Variants in PLXNA2 observed in about 807,000 individuals in gnomAD.
PLXNA2 encodes the protein plexin A2.
In PLXNA2, 91 loss-of-function variants were observed where a neutral mutation model predicts 193.5. The observed-to-expected ratio is 0.47, with a 90% CI of 0.40 to 0.56. PLXNA2 has a LOEUF of 0.56. Ranked by LOEUF, PLXNA2 falls within the 20% of genes least tolerant of loss-of-function variation. The probability of loss-of-function intolerance (pLI) is 0.00; values close to 1 mark genes in which losing one functional copy is unlikely to be tolerated. For missense variants in PLXNA2, 1,995 were observed against 2,503.2 expected (o/e 0.80, Z 4.33); for synonymous variants, 997 against 1,027.3 (o/e 0.97, Z 0.56).
At position 208,028,084 on chromosome 1, in the gene PLXNA2, G is replaced by A; in HGVS notation, c.5514C>T (p.Arg1838=). The A allele has an allele frequency of 6.2e-7, 1 of 1,613,674 alleles. No individual in the cohort carries two copies. The highest frequency in any genetic ancestry group is 8.5e-7 in the Non-Finnish European group (1 of 1,179,798). ...DMNAYLAEQS[R]LHAVEFNMLS... ...GCATGTTGAACTCCACGGCGTGCAG[G>A]CGGGACTGCTCGGCGAGGTAGGCAT... The change falls in exon 31 of 32, where the codon CGC becomes CGT. Residue 1838 remains arginine, a synonymous_variant. Transcript: ENST00000367033. The surrounding 1 kb of genome is among the most constrained non-coding windows in gnomAD (Gnocchi z 4.2).
chr1:208,164,000 G>A (rs1411636932), intron 3 of PLXNA2, among the ~76,000 whole-genome samples: 1 of 152,214 alleles, frequency 6.6e-6, no homozygotes, highest in African/African-American at 2.4e-5. Flanking sequence ...GCACAGGAAG[G>A]CAGGTGTATT....
chr1:208,175,989 A>T (rs1197565015), intron 3 of PLXNA2, among the ~76,000 whole-genome samples: 1 of 152,124 alleles, frequency 6.6e-6, no homozygotes, highest in Admixed American at 6.5e-5. Context: ...TTCTGTTGGA[A>T]CCAACCAGCC....
chr1:208,074,894 T>G (rs1237516257), intron 12 of PLXNA2, among the ~76,000 whole-genome samples: 3 of 152,146 alleles, frequency 2.0e-5, no homozygotes, highest in Non-Finnish European at 2.9e-5. Flanking sequence ...ATTCTGAAGA[T>G]GAAGGCTGGG....
chr1:208,041,229 G>C (rs879600624), intron 22 of PLXNA2, among the ~76,000 whole-genome samples: 1 of 152,160 alleles, frequency 6.6e-6, no homozygotes. Context: ...CTCACCCCAC[G>C]TGGGGCCTGG....
Position 208,112,878 on chromosome 1 carries a change from T to A in PLXNA2, c.1507-9631A>T, listed in dbSNP as rs145643775. Among the ~76,000 whole-genome samples the A allele has an allele frequency of 3.3e-5, 5 of 151,888 alleles. No individual in the cohort carries two copies. In the East Asian group the frequency reaches 9.7e-4, roughly 29 times the overall value. Reference sequence around the variant, plus strand: ...GTAAAACTACAAAGAGGGTAGGAAATCTTATGGGCAAGGCAGATACTCCAA... The same window carrying A: ...GTAAAACTACAAAGAGGGTAGGAAAACTTATGGGCAAGGCAGATACTCCAA... On this transcript the variant is annotated intron_variant, in intron 4 of 31. Coordinates refer to ENST00000367033, the MANE Select transcript of PLXNA2 (RefSeq NM_025179.4).
rs139061737 is a variant in PLXNA2, at chr1:208,044,617, G to A, written c.3765C>T (p.Ile1255=). ...ACTTGCGCTTGTAGGCAATGAGGAC[G>A]ATGATGACGATGATGAGGAGGAGGC... is the stretch of plus-strand genomic sequence containing the variant. ...GGSLLLIIVI[I]VLIAYKRKSR... is the part of the protein sequence containing the mutation. The change falls in exon 20 of 32, where the codon ATC becomes ATT. Residue 1255 remains isoleucine (I), a synonymous_variant. Transcript: ENST00000367033. The surrounding 1 kb of genome is among the most constrained non-coding windows in gnomAD (Gnocchi z 4.9). 85 of 1,613,936 alleles carry A rather than the reference G, an allele frequency of 5.3e-5. No individual in the cohort carries two copies. The highest frequency in any genetic ancestry group is 6.4e-5 in the Non-Finnish European group (76 of 1,179,978).
intron 4 of PLXNA2, among the ~76,000 whole-genome samples, chr1:208,112,034 A>C (rs982257253): frequency 1.3e-5 from 2 of 152,204 alleles, no homozygotes; most frequent in Non-Finnish European, 2.9e-5. Context: ...GAGAAAATCT[A>C]TTTTTAATGA....
In PLXNA2 at chr1:208,044,696, A is replaced by T. The variant is rs749000102; in HGVS notation, c.3686T>A (p.Ile1229Asn). 5 of 1,614,096 alleles carry T rather than the reference A, an allele frequency of 3.1e-6. No individual in the cohort carries two copies. The highest frequency in any genetic ancestry group is 4.2e-6 in the Non-Finnish European group (5 of 1,180,032). The change falls in exon 20 of 32, where the codon ATC becomes AAC. Residue 1229 changes from isoleucine to asparagine, a missense_variant. This residue lies in a region of PLXNA2 where 1,291 missense variants were observed against 1,673.6 expected (regional missense o/e 0.77). Transcript: ENST00000367033. This position sits in a 1 kb window ranked among gnomAD's most constrained non-coding sequence, Gnocchi z 4.9. ...TGGCAGGGTCAGCAAGCTGTCTGAG[A>T]TGACACTCACCGAGCCAGGCGAGAA... ...MVFSPGSVSV[I>N]SDSLLTLPAI... is the part of the protein sequence containing the mutation.
At chr1:208,130,814 T>C (rs961448817) in intron 4 of PLXNA2, among the ~76,000 whole-genome samples, 4 of 152,124 alleles carry the variant, frequency 2.6e-5, no homozygotes, top group Non-Finnish European at 4.4e-5. Flanking sequence ...ATCAACCCCA[T>C]TGAGAAACCT....
chr1:208,082,969 C>T lies in PLXNA2; in HGVS notation c.2299-461G>A, dbSNP rs987083586. On this transcript the variant is annotated intron_variant, in intron 10 of 31. Coordinates refer to ENST00000367033, the MANE Select transcript of PLXNA2 (RefSeq NM_025179.4). The surrounding 1 kb of genome is among the most constrained non-coding windows in gnomAD (Gnocchi z 4.2). ...TGGTGTTGCCACTTTCTGTCTTGCA[C>T]TGGCACTTTCCAGGATCTGCTGTGC... 2.6e-5 allele frequency among the ~76,000 whole-genome samples: 4 copies of T among 152,192 alleles called. No homozygotes were observed. The highest frequency in any genetic ancestry group is 5.9e-5 in the Non-Finnish European group (4 of 68,042).
intron 3 of PLXNA2, among the ~76,000 whole-genome samples, chr1:208,160,213 ACC>A (rs5780437): frequency 5.3e-5 from 8 of 150,514 alleles, no homozygotes; most frequent in Admixed American, 2.0e-4. Context: ...CATTAGTACA[ACC>A]CCCCCCGCCC....
chr1:208,135,063 T>C (rs2102472460), intron 4 of PLXNA2, among the ~76,000 whole-genome samples: 1 of 151,950 alleles, frequency 6.6e-6, no homozygotes, highest in East Asian at 1.9e-4. Context: ...GTGCAGCTGC[T>C]GGACATTGGT....
rs755376039 is a variant in PLXNA2 at position 208,031,681 on chromosome 1, C to G, written c.5134G>C (p.Ala1712Pro). ...AGGAAATCAAACATGTACTTGATGG[C>G]CAGGGGGAGAGCGCTGCCCCGGTGC... ...TVHRGSALPL[A>P]IKYMFDFLDE... Residue 1712 changes from alanine (A) to proline (P), a missense_variant, in exon 29 of 32, where the codon GCC becomes CCC. Around this residue, in one of 3 missense-constraint regions of PLXNA2, gnomAD observed 1,291 missense variants for 1,673.6 expected, o/e 0.77. Coordinates refer to ENST00000367033, the MANE Select transcript of PLXNA2 (RefSeq NM_025179.4). 6.2e-7 allele frequency: 1 copy of G among 1,613,532 alleles called. No homozygotes were observed. The highest frequency in any genetic ancestry group is 8.5e-7 in the Non-Finnish European group (1 of 1,179,900).
intron 3 of PLXNA2, among the ~76,000 whole-genome samples, chr1:208,176,565 G>A (rs983003562): frequency 5.3e-5 from 8 of 152,170 alleles, no homozygotes; most frequent in Non-Finnish European, 1.5e-5. Context: ...AGACAGTAAG[G>A]GGATGCTGTC....
At chr1:208,229,637 G>C (rs551393946) in intron 1 of PLXNA2, among the ~76,000 whole-genome samples, 1 of 152,348 alleles carries the variant, frequency 6.6e-6, no homozygotes, top group South Asian at 2.1e-4. Flanking sequence ...GGTGAGGCTA[G>C]ATGGGTGAGG....
Position 208,118,584 on chromosome 1 carries a change from C to A in PLXNA2, c.1507-15337G>T, listed in dbSNP as rs142782476. Among the ~76,000 whole-genome samples the A allele has an allele frequency of 1.1e-3, 170 of 152,302 alleles. No homozygotes were observed. The East Asian group carries it at 0.018, about 16-fold the overall frequency. ...GGATTAGCACTTTGCAGCCTCCCCT[C>A]ACCTGGAGGTTAGTGTGGGGACTGT... is the stretch of plus-strand genomic sequence containing the variant. On this transcript the variant is annotated intron_variant, in intron 4 of 31. Coordinates refer to ENST00000367033, the MANE Select transcript of PLXNA2 (RefSeq NM_025179.4).
intron 22 of PLXNA2, 124 bp downstream of exon 22, chr1:208,041,974 T>C (rs1664884975): frequency 9.9e-7 from 1 of 1,005,910 alleles, no homozygotes; most frequent in Non-Finnish European, 1.5e-6. Flanking sequence ...CACAGGCTGC[T>C]CTGAATGGGT....
At chr1:208,081,132 G>A (rs1450292167) in intron 11 of PLXNA2, among the ~76,000 whole-genome samples, 1 of 152,210 alleles carries the variant, frequency 6.6e-6, no homozygotes, top group Non-Finnish European at 1.5e-5. Flanking sequence ...AGGTGCTAAG[G>A]CAACCTCTGG....
At chr1:208,043,335 C>A in intron 20 of PLXNA2, 132 bp from the exon 21 acceptor site, 1 of 786,394 alleles carries the variant, frequency 1.3e-6, no homozygotes, top group Non-Finnish European at 2.0e-6. Context: ...GAGTGTGTCT[C>A]CAGAGGGCGG....
Sources: gnomAD v4.1 joint callset for allele counts (sites outside exome capture counted in the v4.1 genomes callset) on GRCh38, gnomAD v4.1.1 for gene constraint, gnomAD v4.1.1 regional missense constraint, Gnocchi (gnomAD v3.1) non-coding constraint, MANE v1.5 for transcripts, NCBI Gene and HGNC (gene_info 2026-07-23, HGNC 2026-07-21) for gene names.